The following BANP variants were observed in gnomAD, a reference collection of about 807,000 sequenced individuals.
BANP encodes the protein BTG3 associated nuclear protein.
Under a neutral mutation model 68.1 loss-of-function variants are expected in BANP, and 11 were observed. That is an observed-to-expected ratio of 0.16 (90% CI 0.10 to 0.27). The LOEUF is 0.27. Ranked by LOEUF, BANP falls within the 10% of genes least tolerant of loss-of-function variation. The pLI is 1.00. For missense variants in BANP, 504 were observed against 722.7 expected (o/e 0.70, Z 3.47); for synonymous variants, 329 against 303.2 (o/e 1.09, Z -0.88).
Position 88,012,887 on chromosome 16 carries a change from G to GAATAGTTCC in BANP, c.656-5540_656-5539insATAGTTCCA, listed in dbSNP as rs1210913092. Among the ~76,000 whole-genome samples, 187 of 152,314 alleles carry GAATAGTTCC rather than the reference G, an allele frequency of 1.2e-3. 1 individual carries two copies. The highest frequency in any genetic ancestry group is 4.4e-3 in the African/African-American group (185 of 41,576). ...AATTAATAACTATTCACTGTGGTCT[G>GAATAGTTCC]ACAGTACAAATTCCAGGCTGGGATT... On this transcript the variant is annotated intron_variant, in intron 6 of 13. Coordinates refer to ENST00000682872, the MANE Select transcript of BANP (RefSeq NM_001386991.1).
At position 88,018,468 on chromosome 16, in the gene BANP, C is replaced by T. The variant is rs758032883; in HGVS notation, c.696C>T (p.Asn232=). The change falls in exon 7 of 14, where the codon AAC becomes AAT. Residue 232 remains asparagine (N), a synonymous_variant. Coordinates refer to ENST00000682872, the MANE Select transcript of BANP (RefSeq NM_001386991.1). The surrounding 1 kb of genome is among the most constrained non-coding windows in gnomAD (Gnocchi z 7.7). ...GCACCTGGCTGGGCGACGAGAACAA[C>T]CCCGAGATGCGGGTACGCTGCGCCA... ...PNGTWLGDEN[N]PEMRVRCAII... is the part of the protein sequence containing the mutation. 5 of 1,613,302 alleles carry T rather than the reference C, an allele frequency of 3.1e-6. No homozygotes were observed. Among genetic ancestry groups the T allele is most frequent in the Non-Finnish European group, 4.2e-6 (5 of 1,179,910 alleles).
intron 1 of BANP, among the ~76,000 whole-genome samples, chr16:87,974,189 A>G (rs1218594326): frequency 6.6e-6 from 1 of 152,204 alleles, no homozygotes; most frequent in African/African-American, 2.4e-5. Flanking sequence ...TTCATTCCTC[A>G]TTTCTACGGC....
At position 88,064,496 on chromosome 16, in the gene BANP, A is replaced by G. The variant is rs1427753135; in HGVS notation, c.1312-771A>G. 1.3e-5 allele frequency among the ~76,000 whole-genome samples: 2 copies of G among 152,226 alleles called. No individual in the cohort carries two copies. Among genetic ancestry groups the G allele is most frequent in the African/African-American group, 4.8e-5 (2 of 41,472 alleles). The stretch of plus-strand genomic sequence containing the variant: ...GAGCAAAACAACCCACCTGCCTCCC[A>G]CGGACAGATGCTCCCAGGATGCGGC... On this transcript the variant is annotated intron_variant, in intron 11 of 13. Transcript: ENST00000682872. This position sits in a 1 kb window ranked among gnomAD's most constrained non-coding sequence, Gnocchi z 4.5.
At chr16:88,061,887 A>G (rs913599460) in intron 11 of BANP, among the ~76,000 whole-genome samples, 3 of 152,062 alleles carry the variant, frequency 2.0e-5, no homozygotes, top group African/African-American at 4.8e-5. Flanking sequence ...CTGGTCTCCC[A>G]ACCTCAGGTG....
At chr16:87,988,841 C>G (rs1346004905) in intron 4 of BANP, among the ~76,000 whole-genome samples, 2 of 152,196 alleles carry the variant, frequency 1.3e-5, no homozygotes, top group Non-Finnish European at 2.9e-5. Flanking sequence ...AGAGCCAGCC[C>G]AACCCTCAAG....
At position 88,004,347 on chromosome 16, in the gene BANP, G is replaced by A; in HGVS notation, c.415G>A (p.Val139Ile). 6.4e-7 allele frequency: 1 copy of A among 1,550,634 alleles called. No homozygotes were observed. Among genetic ancestry groups the A allele is most frequent in the Non-Finnish European group, 8.7e-7 (1 of 1,146,684 alleles). ...ILNNDRQNAI[V>I]AKMEDPLSNR... ...CAACAATGATCGGCAGAACGCCATT[G>A]TAGCCAAGATGGAAGACCCCTTGAG... The change falls in exon 5 of 14, where the codon GTA becomes ATA. Residue 139 changes from valine (V) to isoleucine (I), a missense_variant. Physicochemically the swap from Val to Ile is conservative, Grantham distance 29. Transcript: ENST00000682872. The surrounding 1 kb of genome is among the most constrained non-coding windows in gnomAD (Gnocchi z 7.0).
chr16:88,006,362 A>C, intron 6 of BANP, 97 bp downstream of exon 6: 1 of 1,425,812 alleles, frequency 7.0e-7, no homozygotes, highest in South Asian at 1.4e-5. Flanking sequence ...GAAGTGATAC[A>C]GTGGCCAGGC....
chr16:88,059,566 A>G lies in BANP; in HGVS notation c.1312-5701A>G, dbSNP rs547490631. Among the ~76,000 whole-genome samples the G allele has an allele frequency of 2.8e-4, 43 of 152,126 alleles. No homozygotes were observed. The South Asian group carries it at 8.5e-3, about 30-fold the overall frequency. The stretch of plus-strand genomic sequence containing the variant: ...AGGCCACAGGACCCTCCCCATCCCC[A>G]TACCATCTTCGGCAGAATGATGGCC... On this transcript the variant is annotated intron_variant, in intron 11 of 13. Transcript: ENST00000682872.
At chr16:87,974,509 C>A (rs185158276) in intron 1 of BANP, among the ~76,000 whole-genome samples, 1 of 152,274 alleles carries the variant, frequency 6.6e-6, no homozygotes, top group Non-Finnish European at 1.5e-5. Context: ...CTCCGCCGGG[C>A]CTGTGGGGTA....
At chr16:87,990,806 A>C (rs941883102) in intron 4 of BANP, among the ~76,000 whole-genome samples, 1 of 152,136 alleles carries the variant, frequency 6.6e-6, no homozygotes, top group Admixed American at 6.5e-5. Context: ...TCTGTCGCCC[A>C]GGCTGGAGTG....
chr16:87,979,221 G>C (rs148382876), intron 2 of BANP, among the ~76,000 whole-genome samples: 3 of 152,170 alleles, frequency 2.0e-5, no homozygotes, highest in Admixed American at 2.0e-4. Flanking sequence ...TATGTAACAC[G>C]TCTGAGGGGA....
At chr16:88,047,327 C>G (rs1243791901) in intron 11 of BANP, among the ~76,000 whole-genome samples, 1 of 152,138 alleles carries the variant, frequency 6.6e-6, no homozygotes, top group Non-Finnish European at 1.5e-5. Context: ...GCGAAAACTG[C>G]CAGTTTCTCC....
intron 11 of BANP, among the ~76,000 whole-genome samples, chr16:88,063,139 C>T (rs1299464693): frequency 3.3e-5 from 5 of 152,256 alleles, no homozygotes; most frequent in Admixed American, 2.6e-4. Context: ...GGGCGCACCG[C>T]GGCCTTCTGT....
At chr16:88,038,125 C>T (rs1567835973) in intron 11 of BANP, 114 bp downstream of exon 11, 9 of 713,676 alleles carry the variant, frequency 1.3e-5, no homozygotes, top group Admixed American at 4.1e-5. Context: ...TACATGTGGG[C>T]ATTGCGCTGC....
chr16:87,966,417 C>T (rs370678607), intron 1 of BANP, among the ~76,000 whole-genome samples: 53 of 152,272 alleles, frequency 3.5e-4, no homozygotes, highest in African/African-American at 1.3e-3. Context: ...TGAGAAATGG[C>T]AAATTTAATT....
chr16:88,020,370 C>CT (rs2075776368), intron 7 of BANP, among the ~76,000 whole-genome samples: 1 of 152,258 alleles, frequency 6.6e-6, no homozygotes, highest in South Asian at 2.1e-4. Context: ...CAGGAGCACA[C>CT]ATCTGCGCAC....
chr16:88,060,730 G>A (rs1421229847), intron 11 of BANP, among the ~76,000 whole-genome samples: 7 of 152,026 alleles, frequency 4.6e-5, no homozygotes, highest in East Asian at 3.9e-4. Context: ...ATGGCAGCCC[G>A]GCCGGGCTCC....
rs531278360 is a variant in BANP, at chr16:88,003,974, G to A, written c.363-321G>A. ...AACTGGGTGCGATAACAGCTGGTGC[G>A]GTTGCAGTCTATTCTGTCACAAGTT... On this transcript the variant is annotated intron_variant, in intron 4 of 13. Transcript: ENST00000682872. This position sits in a 1 kb window ranked among gnomAD's most constrained non-coding sequence, Gnocchi z 6.1. The A allele has an allele frequency of 1.2e-4, 41 of 335,498 alleles. No individual in the cohort carries two copies. The highest frequency in any genetic ancestry group is 4.8e-4 in the South Asian group (18 of 37,372). 20.8% of individuals were successfully genotyped at this position (335,498 alleles called of 1,614,324 possible). A position where few individuals can be genotyped will look rare whatever the true frequency, so the allele number is the denominator to read the frequency against.
intron 11 of BANP, among the ~76,000 whole-genome samples, chr16:88,044,040 G>A (rs553684304): frequency 2.9e-4 from 44 of 152,220 alleles, no homozygotes; most frequent in Admixed American, 2.0e-3. Flanking sequence ...CCACTTCAGG[G>A]GGCTGGCAGG....
Sources: allele counts gnomAD v4.1 joint callset (sites outside exome capture counted in the v4.1 genomes callset), GRCh38; gene constraint gnomAD v4.1.1; non-coding constraint Gnocchi (gnomAD v3.1); transcripts MANE v1.5; gene names NCBI Gene and HGNC (gene_info 2026-07-23, HGNC 2026-07-21).